FMN2: variants seen among roughly 807,000 people sequenced by gnomAD.
The protein encoded by FMN2 is formin 2.
Under a neutral mutation model 142.3 loss-of-function variants are expected in FMN2, and 51 were observed. That is an observed-to-expected ratio of 0.36 (90% CI 0.29 to 0.45). FMN2 has a LOEUF of 0.45. Ranked by LOEUF, FMN2 falls within the 20% of genes least tolerant of loss-of-function variation. The pLI is 1.00. For synonymous variants in FMN2, 882 were observed against 869.8 expected (o/e 1.01, Z -0.25); for missense variants, 1,936 against 2,122.8 (o/e 0.91, Z 1.73).
rs71168902 is a variant in FMN2, at chr1:240,145,530, A to ATTTTTTTTTTTTTTTTTTTT, written c.1782+22195_1782+22214dup. 34 of 84,368 alleles carry ATTTTTTTTTTTTTTTTTTTT rather than the reference A, an allele frequency of 4.0e-4. 1 individual carries two copies. The highest frequency in any genetic ancestry group is 5.0e-4 in the African/African-American group (11 of 22,204). The allele number at this position is 84,368 out of a possible 1,614,324, so 5.2% of individuals were successfully genotyped here. On this transcript the variant is annotated intron_variant, in intron 2 of 17. Transcript: ENST00000319653. ...AGGCAATTTTTCTTTTTCTTTTTCT[A>ATTTTTTTTTTTTTTTTTTTT]TTTTTTTTTTTTTTTTTTTTTTTTT...
chr1:240,363,680 TG>T (rs1414313437), intron 14 of FMN2, among the ~76,000 whole-genome samples: 1 of 152,212 alleles, frequency 6.6e-6, no homozygotes, highest in Non-Finnish European at 1.5e-5. Context: ...CTCCCCCACC[TG>T]CCTGTGAAGC....
At chr1:240,185,430 A>T (rs1665400268) in intron 3 of FMN2, among the ~76,000 whole-genome samples, 1 of 152,230 alleles carries the variant, frequency 6.6e-6, no homozygotes, top group Admixed American at 6.5e-5. Context: ...TTTAACACAC[A>T]GATTCAAACA....
intron 7 of FMN2, among the ~76,000 whole-genome samples, chr1:240,259,750 A>T (rs2356224): frequency 0.4 from 61,341 of 151,568 alleles, 12,838 homozygotes; most frequent in East Asian, 0.55. Context: ...CGTCATTTTT[A>T]AAAAATACTT....
intron 6 of FMN2, among the ~76,000 whole-genome samples, chr1:240,219,095 T>C (rs574277306): frequency 7.2e-5 from 11 of 152,334 alleles, no homozygotes; most frequent in African/African-American, 2.2e-4. Flanking sequence ...GCAGCTCATT[T>C]AGCAGACCTG....
At chr1:240,145,327 G>A (rs989793407) in intron 2 of FMN2, 1 of 1,052,228 alleles carries the variant, frequency 9.5e-7, no homozygotes, top group Non-Finnish European at 1.4e-6. Context: ...CCGCCGCTGG[G>A]GGCTGCTGGG....
chr1:240,458,434 C>T (rs1029419807), intron 16 of FMN2: 1 of 152,006 alleles, frequency 6.6e-6, no homozygotes, highest in Non-Finnish European at 1.5e-5. Context: ...GTTTAAAAGC[C>T]CTTAAGTTCT....
chr1:240,133,172 A>G lies in FMN2; in HGVS notation c.1782+9827A>G, dbSNP rs114413350. 9.0e-3 allele frequency among the ~76,000 whole-genome samples: 1,364 copies of G among 152,078 alleles called. 22 individuals carry two copies. The highest frequency in any genetic ancestry group is 0.031 in the African/African-American group (1,283 of 41,494). ...GATATATGTCTGATCATGTTGTTTTATTTTATTTTTTGAGACAGCATCTTG... is the reference window on the plus strand; with the variant it reads ...GATATATGTCTGATCATGTTGTTTTGTTTTATTTTTTGAGACAGCATCTTG... On this transcript the variant is annotated intron_variant, in intron 2 of 17. Coordinates refer to ENST00000319653, the MANE Select transcript of FMN2 (RefSeq NM_020066.5).
At chr1:240,294,633 A>G (rs2102960286) in intron 7 of FMN2, among the ~76,000 whole-genome samples, 189 bp from the exon 8 acceptor site, 1 of 152,306 alleles carries the variant, frequency 6.6e-6, no homozygotes, top group East Asian at 1.9e-4. Flanking sequence ...AGCAAGTGAA[A>G]GCTTTAACAC....
rs182026275 is a variant in FMN2 at position 240,408,944 on chromosome 1, C to T, written c.4910+16382C>T. 9.5e-4 allele frequency among the ~76,000 whole-genome samples: 145 copies of T among 152,254 alleles called. 3 individuals are homozygous for T. Among genetic ancestry groups the T allele is most frequent in the Admixed American group, 8.2e-3 (126 of 15,290 alleles). On this transcript the variant is annotated intron_variant, in intron 15 of 17. Transcript: ENST00000319653. ...TAATTTCTGTTGTTGTGAGTGTTTT[C>T]AAAACTCGTGCAGCTTAGCCTTCCT...
At chr1:240,412,153 G>A (rs549195775) in intron 15 of FMN2, among the ~76,000 whole-genome samples, 44 of 152,242 alleles carry the variant, frequency 2.9e-4, no homozygotes, top group African/African-American at 9.6e-4. Context: ...AAATAGGAGA[G>A]TGTTACATTA....
At chr1:240,324,692 A>AGAGAGG (rs1671097671) in intron 8 of FMN2, among the ~76,000 whole-genome samples, 1 of 133,232 alleles carries the variant, frequency 7.5e-6, no homozygotes, top group Admixed American at 7.7e-5. Context: ...AGAGAGAGAG[A>AGAGAGG]GAGGGAGGGA....
chr1:240,431,089 C>T (rs866225650), intron 15 of FMN2, among the ~76,000 whole-genome samples: 1 of 151,220 alleles, frequency 6.6e-6, no homozygotes. Flanking sequence ...TATATTATAC[C>T]TTTACAGTTA....
At chr1:240,322,995 A>AC (rs1316146425) in intron 8 of FMN2, among the ~76,000 whole-genome samples, 1 of 149,904 alleles carries the variant, frequency 6.7e-6, no homozygotes, top group Non-Finnish European at 1.5e-5. Context: ...ATCCCCAAGA[A>AC]CCCCCCTCCT....
At chr1:240,203,751 A>G (rs979509813) in intron 4 of FMN2, among the ~76,000 whole-genome samples, 2 of 152,196 alleles carry the variant, frequency 1.3e-5, no homozygotes, top group African/African-American at 2.4e-5. Context: ...GCAAACCACC[A>G]TGGCCCACGT....
chr1:240,423,567 G>T (rs889212902), intron 15 of FMN2, among the ~76,000 whole-genome samples: 1 of 152,200 alleles, frequency 6.6e-6, no homozygotes, highest in African/African-American at 2.4e-5. Context: ...CATTCTGCCT[G>T]TAAAGTCTCA....
intron 8 of FMN2, among the ~76,000 whole-genome samples, chr1:240,307,445 T>A (rs983160347): frequency 6.6e-6 from 1 of 152,234 alleles, no homozygotes; most frequent in Non-Finnish European, 1.5e-5. Flanking sequence ...AGTGGTCCGG[T>A]TTCATTCTTC....
chr1:240,431,273 T>A (rs957444487), intron 15 of FMN2, among the ~76,000 whole-genome samples: 13 of 151,742 alleles, frequency 8.6e-5, no homozygotes, highest in Non-Finnish European at 1.9e-4. Flanking sequence ...TTTTTAAATA[T>A]CTACCTTGTA....
intron 2 of FMN2, among the ~76,000 whole-genome samples, chr1:240,168,742 AAAG>A (rs1667152836): frequency 6.6e-6 from 1 of 152,240 alleles, no homozygotes; most frequent in Non-Finnish European, 1.5e-5. Flanking sequence ...AGATTAAAGA[AAAG>A]AAAAAACAAT....
intron 6 of FMN2, among the ~76,000 whole-genome samples, chr1:240,241,185 A>G (rs190134443): frequency 6.6e-6 from 1 of 151,702 alleles, no homozygotes; most frequent in East Asian, 1.9e-4. Context: ...TTGTTTCTTC[A>G]TCGGTTTGTT....
Sources: allele counts gnomAD v4.1 joint callset (sites outside exome capture counted in the v4.1 genomes callset), GRCh38; gene constraint gnomAD v4.1.1; transcripts MANE v1.5; gene names NCBI Gene and HGNC (gene_info 2026-07-23, HGNC 2026-07-21).